CEP41: variants seen among roughly 807,000 people sequenced by gnomAD.
The protein encoded by CEP41 is centrosomal protein 41, also known as centrosomal protein of 41 kDa.
CEP41 carries 32 observed loss-of-function variants against 44.3 expected under a neutral mutation model. That is an observed-to-expected ratio of 0.72 (90% CI 0.54 to 0.97). The LOEUF is 0.97. Ranked by LOEUF, CEP41 falls within the 50% of genes least tolerant of loss-of-function variation. The probability of loss-of-function intolerance (pLI) is 0.00; values close to 1 mark genes in which losing one functional copy is unlikely to be tolerated. For missense variants in CEP41, 432 were observed against 455.2 expected, an observed-to-expected ratio of 0.95 and a Z score of 0.46; for synonymous variants, 151 against 168.5, an observed-to-expected ratio of 0.90 and a Z score of 0.80.
chr7:130,404,549 A>C lies in CEP41; in HGVS notation c.422+15T>G. 6.2e-7 allele frequency: 1 copy of C among 1,611,220 alleles called. No individual in the cohort carries two copies. The highest frequency in any genetic ancestry group is 8.5e-7 in the Non-Finnish European group (1 of 1,177,374). On this transcript the variant is annotated intron_variant, in intron 6 of 10. Coordinates refer to ENST00000223208, the MANE Select transcript of CEP41 (RefSeq NM_018718.3). The stretch of plus-strand genomic sequence containing the variant: ...AAGGCAAAATGCAGTGAAAATATGA[A>C]TCAGCTTCGAGTACCTCTGAAGAGT...
intron 2 of CEP41, 138 bp from the exon 3 acceptor site, chr7:130,417,104 CCA>C: frequency 7.1e-7 from 1 of 1,407,508 alleles, no homozygotes; most frequent in Middle Eastern, 2.6e-4. Flanking sequence ...AGCAAACAGG[CCA>C]CACACAGTAA....
At chr7:130,430,416 G>A (rs1797790338) in intron 1 of CEP41, among the ~76,000 whole-genome samples, 1 of 150,296 alleles carries the variant, frequency 6.7e-6, no homozygotes, top group African/African-American at 2.5e-5. Context: ...CTCAGATTGT[G>A]TTTGGAACCA....
intron 5 of CEP41, chr7:130,410,823 GTA>G (rs1797159855): frequency 2.3e-6 from 1 of 441,380 alleles, no homozygotes; most frequent in East Asian, 4.7e-5. Context: ...CAGTCTCATA[GTA>G]CTTAATGTGT....
chr7:130,415,564 G>A (rs1797310917), intron 3 of CEP41, among the ~76,000 whole-genome samples: 1 of 152,212 alleles, frequency 6.6e-6, no homozygotes, highest in African/African-American at 2.4e-5. Context: ...CTCCACGTAA[G>A]GTTTAGATAT....
At position 130,400,227 on chromosome 7, in the gene CEP41, G is replaced by T; in HGVS notation, c.785C>A (p.Pro262Gln). Residue 262 changes from proline to glutamine, a missense_variant, in exon 10 of 11, where the codon CCG becomes CAG. Pro to Gln is a moderately conservative substitution (Grantham distance 76, BLOSUM62 -1). Transcript: ENST00000223208. Reference sequence around the variant, plus strand: ...CAGGGAACCAGTAATCAGTCCTTCCGGGAATTTCTGAGCTAAGACTTTTAG... The same window carrying T: ...CAGGGAACCAGTAATCAGTCCTTCCTGGAATTTCTGAGCTAAGACTTTTAG... ...GGLKVLAQKF[P>Q]EGLITGSLPA... 6.2e-7 allele frequency: 1 copy of T among 1,613,702 alleles called. No homozygotes were observed. The highest frequency in any genetic ancestry group is 8.5e-7 in the Non-Finnish European group (1 of 1,179,766).
intron 2 of CEP41, among the ~76,000 whole-genome samples, chr7:130,423,807 C>T (rs1163620858): frequency 1.3e-5 from 2 of 152,172 alleles, no homozygotes; most frequent in African/African-American, 2.4e-5. Flanking sequence ...CCGACACATA[C>T]TACAGCATAC....
At chr7:130,437,697 G>C (rs969618502) in intron 1 of CEP41, among the ~76,000 whole-genome samples, 1 of 141,632 alleles carries the variant, frequency 7.1e-6, no homozygotes, top group East Asian at 2.2e-4. Context: ...AGCCCAGGAG[G>C]TCAAGGATAT....
intron 2 of CEP41, chr7:130,419,715 G>C: frequency 1.0e-6 from 1 of 985,124 alleles, no homozygotes; most frequent in Non-Finnish European, 1.2e-6. Context: ...TCTAGCACTG[G>C]ACACCAACTC....
chr7:130,433,898 G>A (rs1459894418), intron 1 of CEP41, among the ~76,000 whole-genome samples: 3 of 152,218 alleles, frequency 2.0e-5, no homozygotes, highest in Non-Finnish European at 2.9e-5. Context: ...GCAACATGTA[G>A]TGTGCATGCT....
At chr7:130,439,445 G>A (rs1382836863) in intron 1 of CEP41, among the ~76,000 whole-genome samples, 1 of 151,998 alleles carries the variant, frequency 6.6e-6, no homozygotes, top group Non-Finnish European at 1.5e-5. Flanking sequence ...TAGTCACCAT[G>A]CTGTGCCAGA....
At chr7:130,402,345 AAAAAAAAAC>A (rs1437364794) in intron 7 of CEP41, among the ~76,000 whole-genome samples, 2 of 149,822 alleles carry the variant, frequency 1.3e-5, no homozygotes, top group Non-Finnish European at 3.0e-5. Context: ...GGTATTAACA[AAAAAAAAAC>A]AAAAAAAAAA....
intron 5 of CEP41, among the ~76,000 whole-genome samples, chr7:130,405,839 A>C (rs1796992266): frequency 6.6e-6 from 1 of 152,220 alleles, no homozygotes; most frequent in African/African-American, 2.4e-5. Context: ...TGAAAGGACT[A>C]TTGAAATATT....
At chr7:130,404,953 T>C (rs571908787) in intron 5 of CEP41, among the ~76,000 whole-genome samples, 5 of 152,294 alleles carry the variant, frequency 3.3e-5, no homozygotes, top group African/African-American at 1.2e-4. Context: ...GTGTTTATAT[T>C]TGCACTGATG....
chr7:130,438,002 T>C (rs1322249729), intron 1 of CEP41, among the ~76,000 whole-genome samples: 2 of 152,152 alleles, frequency 1.3e-5, no homozygotes, highest in East Asian at 1.9e-4. Flanking sequence ...CTGGGCATCT[T>C]TGTCTCGGGC....
chr7:130,410,919 T>TA (rs1161081094), intron 5 of CEP41: 4 of 629,496 alleles, frequency 6.4e-6, no homozygotes, highest in Non-Finnish European at 1.1e-5. Flanking sequence ...CTGTAAGTGT[T>TA]AGAGTCAGAA....
chr7:130,399,883 T>C lies in CEP41; in HGVS notation c.973+156A>G, dbSNP rs990742104. 2.3e-5 allele frequency: 16 copies of C among 693,322 alleles called. No individual in the cohort carries two copies. The Admixed American group carries it at 2.3e-4, about 10-fold the overall frequency. The allele number at this position is 693,322 out of a possible 1,614,324, so 42.9% of individuals were successfully genotyped here. On this transcript the variant is annotated intron_variant, in intron 10 of 10. Coordinates refer to ENST00000223208, the MANE Select transcript of CEP41 (RefSeq NM_018718.3). ...CTTCAATGCGTAATTCTTGCCACTA[T>C]CTGGGGTCACCTCCACTGCCTCCCC...
intron 5 of CEP41, among the ~76,000 whole-genome samples, chr7:130,408,667 A>G (rs1797082709): frequency 6.6e-6 from 1 of 152,232 alleles, no homozygotes; most frequent in African/African-American, 2.4e-5. Flanking sequence ...GCTGGAGAGA[A>G]TGTGGCAATC....
Position 130,398,366 on chromosome 7 carries a change from G to A in CEP41, c.*525C>T. ...GGGCAGAGAGCTCCTTGCTGAGTGA[G>A]CCTGCTGGGGTGGGGTCTGCAGGCG... On this transcript the variant is annotated 3_prime_UTR_variant, in exon 11 of 11. Transcript: ENST00000223208. 1 of 454,098 alleles carries A rather than the reference G, an allele frequency of 2.2e-6. No individual in the cohort carries two copies. Among genetic ancestry groups the A allele is most frequent in the Non-Finnish European group, 4.4e-6 (1 of 226,808 alleles). 28.1% of individuals were successfully genotyped at this position (454,098 alleles called of 1,614,324 possible).
In CEP41 at chr7:130,421,900, C is replaced by A. The variant is rs1306755542; in HGVS notation, c.98-4934G>T. On this transcript the variant is annotated intron_variant, in intron 2 of 10. Transcript: ENST00000223208. ...AGGGTGCTTGAGAATATACAAGAACCCTGCGGTGGTGACTGAACAAAACGC... is the reference window on the plus strand; with the variant it reads ...AGGGTGCTTGAGAATATACAAGAACACTGCGGTGGTGACTGAACAAAACGC... The A allele has an allele frequency of 1.4e-5, 21 of 1,528,130 alleles. No homozygotes were observed. The Admixed American group carries it at 2.0e-4, about 15-fold the overall frequency. The allele number at this position is 1,528,130 out of a possible 1,614,324, so 94.7% of individuals were successfully genotyped here. A position where few individuals can be genotyped will look rare whatever the true frequency, so the allele number is the denominator to read the frequency against.
Sources: allele counts gnomAD v4.1 joint callset (sites outside exome capture counted in the v4.1 genomes callset), GRCh38; gene constraint gnomAD v4.1.1; transcripts MANE v1.5; gene names NCBI Gene and HGNC (gene_info 2026-07-23, HGNC 2026-07-21).